The following SAMD3 variants were observed in gnomAD, a reference collection of about 807,000 sequenced individuals.
The protein encoded by SAMD3 is sterile alpha motif domain-containing protein 3.
Under a neutral mutation model 58.5 loss-of-function variants are expected in SAMD3, and 63 were observed. The observed-to-expected ratio is 1.08, with a 90% CI of 0.88 to 1.33. The LOEUF is 1.33. Among genes scored for constraint, SAMD3 ranks in the 40% most tolerant of loss-of-function variants. SAMD3 has a pLI of 0.00. For synonymous variants in SAMD3, 220 were observed against 210.3 expected (o/e 1.05, Z -0.40); for missense variants, 604 against 608.4 (o/e 0.99, Z 0.08).
At position 130,175,874 on chromosome 6, in the gene SAMD3, TATATC is replaced by T; in HGVS notation, c.784_788del (p.Asp262LysfsTer3). The stretch of plus-strand genomic sequence containing the variant: ...GGACAAGTTTAATTTCATCAAATCT[TATATC>T]AGCAAGAGATTTCCTTGTCTGGCCT... On this transcript the variant is annotated frameshift_variant, in exon 8 of 12. Coordinates refer to ENST00000439090, the MANE Select transcript of SAMD3 (RefSeq NM_001017373.4). LOFTEE classifies it high-confidence loss of function. The T allele has an allele frequency of 6.2e-7, 1 of 1,612,816 alleles. No homozygotes were observed. The highest frequency in any genetic ancestry group is 8.5e-7 in the Non-Finnish European group (1 of 1,179,180).
Position 130,215,292 on chromosome 6 carries a change from C to G in SAMD3, c.-19G>C, listed in dbSNP as rs1167387343. ...TTTCCATTGCTGTCTCCTGTAAATA[C>G]ACCTGTAGAGCAAAAGGTCAGAGAA... On this transcript the variant is annotated splice_region_variant and 5_prime_UTR_variant, in exon 3 of 12. Transcript: ENST00000439090. 3.8e-6 allele frequency: 6 copies of G among 1,574,480 alleles called. No homozygotes were observed. The highest frequency in any genetic ancestry group is 5.2e-6 in the Non-Finnish European group (6 of 1,153,804).
At chr6:130,305,618 T>G (rs980603435) in intron 2 of SAMD3, among the ~76,000 whole-genome samples, 1 of 152,196 alleles carries the variant, frequency 6.6e-6, no homozygotes, top group African/African-American at 2.4e-5. Context: ...TGAATGGATA[T>G]TAAATTTTGT....
At chr6:130,228,876 C>T (rs1260309796) in intron 2 of SAMD3, among the ~76,000 whole-genome samples, 2 of 152,174 alleles carry the variant, frequency 1.3e-5, no homozygotes, top group African/African-American at 2.4e-5. Context: ...GGGCTCTGGG[C>T]TCCTTGCCAT....
upstream of SAMD3, among the ~76,000 whole-genome samples, chr6:130,224,094 G>C (rs1277236760): frequency 6.6e-6 from 1 of 151,950 alleles, no homozygotes; most frequent in African/African-American, 2.4e-5. Flanking sequence ...CTGGAGTCAG[G>C]CCGCTCAGTG....
intron 2 of SAMD3, among the ~76,000 whole-genome samples, chr6:130,239,462 A>T (rs1235141403): frequency 2.6e-5 from 4 of 152,208 alleles, no homozygotes; most frequent in African/African-American, 4.8e-5. Flanking sequence ...AAGAAACCTT[A>T]GCCAGTGAAG....
At chr6:130,291,264 A>G (rs1375870218) in intron 2 of SAMD3, among the ~76,000 whole-genome samples, 3 of 151,852 alleles carry the variant, frequency 2.0e-5, no homozygotes. Context: ...CTTTTTATTT[A>G]TATTTTGTTT....
At chr6:130,338,060 A>C (rs929149831) in intron 1 of SAMD3, among the ~76,000 whole-genome samples, 3 of 152,190 alleles carry the variant, frequency 2.0e-5, no homozygotes, top group Non-Finnish European at 4.4e-5. Flanking sequence ...GAGGTCTAGG[A>C]GGGAAAAATG....
chr6:130,274,101 T>C (rs1774685457), intron 2 of SAMD3, among the ~76,000 whole-genome samples: 1 of 152,196 alleles, frequency 6.6e-6, no homozygotes, highest in Non-Finnish European at 1.5e-5. Context: ...TCAGTTTTCA[T>C]TTATCTAGGA....
intron 1 of SAMD3, among the ~76,000 whole-genome samples, chr6:130,364,066 C>T (rs929638135): frequency 1.3e-5 from 2 of 152,090 alleles, no homozygotes; most frequent in African/African-American, 4.8e-5. Flanking sequence ...AAATAATCCT[C>T]TATTTACAGG....
intron 2 of SAMD3, among the ~76,000 whole-genome samples, chr6:130,279,587 C>A (rs12198835): frequency 6.7e-6 from 1 of 149,400 alleles, no homozygotes; most frequent in Admixed American, 6.7e-5. Flanking sequence ...CAGGTTCAAG[C>A]GATTCTCCTG....
chr6:130,220,519 C>T (rs1399928881), intron 1 of SAMD3, among the ~76,000 whole-genome samples: 1 of 152,140 alleles, frequency 6.6e-6, no homozygotes, highest in African/African-American at 2.4e-5. Context: ...ACAGTCCTGC[C>T]AGAGATGGTA....
At chr6:130,148,423 G>A (rs990669694) in intron 9 of SAMD3, among the ~76,000 whole-genome samples, 1 of 152,206 alleles carries the variant, frequency 6.6e-6, no homozygotes, top group African/African-American at 2.4e-5. Context: ...TAGTGTGCAA[G>A]CACTTCCTTC....
At chr6:130,354,171 AT>A (rs1297331496) in intron 1 of SAMD3, among the ~76,000 whole-genome samples, 2 of 152,206 alleles carry the variant, frequency 1.3e-5, no homozygotes, top group Non-Finnish European at 2.9e-5. Flanking sequence ...AGTCAAAAAA[AT>A]AACAGATGCT....
At chr6:130,264,877 G>A (rs536627840) in intron 2 of SAMD3, among the ~76,000 whole-genome samples, 24 of 152,004 alleles carry the variant, frequency 1.6e-4, no homozygotes, top group Non-Finnish European at 3.2e-4. Context: ...ATGGCAGTTG[G>A]AGTTTTAACC....
At chr6:130,350,253 A>G (rs1777610132) in intron 1 of SAMD3, among the ~76,000 whole-genome samples, 1 of 152,222 alleles carries the variant, frequency 6.6e-6, no homozygotes, top group African/African-American at 2.4e-5. Flanking sequence ...AATAAAGGGC[A>G]TTCAATTAGG....
At chr6:130,152,996 C>T (rs538983804) in intron 9 of SAMD3, among the ~76,000 whole-genome samples, 2 of 152,268 alleles carry the variant, frequency 1.3e-5, no homozygotes, top group Admixed American at 1.3e-4. Flanking sequence ...CAATGAAGAC[C>T]CCTAAGGCTA....
chr6:130,320,079 C>A (rs9321222), intron 1 of SAMD3, among the ~76,000 whole-genome samples: 68,007 of 151,828 alleles, frequency 0.45, 17,616 homozygotes, highest in African/African-American at 0.72. Flanking sequence ...CTATTCAATC[C>A]ATCCAAAAGA....
intron 2 of SAMD3, among the ~76,000 whole-genome samples, chr6:130,248,793 C>T (rs1045654561): frequency 5.9e-5 from 9 of 152,232 alleles, no homozygotes; most frequent in Admixed American, 2.0e-4. Flanking sequence ...AGGATCTATG[C>T]TCCATTTATA....
intron 2 of SAMD3, among the ~76,000 whole-genome samples, chr6:130,293,831 G>T (rs1027976658): frequency 6.6e-6 from 1 of 151,760 alleles, no homozygotes; most frequent in Non-Finnish European, 1.5e-5. Context: ...AGTTTGTCTC[G>T]TGAGTCTCTA....
Sources: allele counts gnomAD v4.1 joint callset (sites outside exome capture counted in the v4.1 genomes callset), GRCh38; gene constraint gnomAD v4.1.1; transcripts MANE v1.5; gene names NCBI Gene and HGNC (gene_info 2026-07-23, HGNC 2026-07-21).